Variants in MUC7 observed in about 807,000 individuals in gnomAD.
MUC7 encodes mucin-7.
MUC7 carries 2 observed loss-of-function variants against 2.5 expected under a neutral mutation model. That is an observed-to-expected ratio of 0.81 (90% CI 0.33 to 2.55). The LOEUF is 2.55. MUC7 is among the 30% of genes most tolerant of loss of function. The pLI, the probability that MUC7 is intolerant of heterozygous loss-of-function variation, is 0.11. For missense variants in MUC7, 408 were observed against 455.6 expected (o/e 0.90, Z 0.95); for synonymous variants, 133 against 173.4 (o/e 0.77, Z 1.83).
At chr4:70,468,938 C>T (rs956596146), upstream of MUC7, among the ~76,000 whole-genome samples, 25 of 152,132 alleles carry the variant, frequency 1.6e-4, no homozygotes, top group African/African-American at 6.0e-4. Context: ...AAAAAGAACC[C>T]GTATAGCCAA....
intron 2 of MUC7, among the ~76,000 whole-genome samples, chr4:70,479,660 G>T (rs1735111110): frequency 6.6e-6 from 1 of 152,172 alleles, no homozygotes; most frequent in South Asian, 2.1e-4. Flanking sequence ...AAGGCATGAA[G>T]TATGTTTACA....
chr4:70,438,422 G>A (rs1459941287), intron 1 of MUC7, among the ~76,000 whole-genome samples: 3 of 145,020 alleles, frequency 2.1e-5, no homozygotes, highest in Non-Finnish European at 3.0e-5. Context: ...AACACTTCAG[G>A]AAATGAAGTT....
chr4:70,464,933 A>AT (rs1384178332), intron 1 of MUC7, among the ~76,000 whole-genome samples: 3 of 152,028 alleles, frequency 2.0e-5, no homozygotes, highest in Admixed American at 6.5e-5. Flanking sequence ...TGGGTCCCTG[A>AT]CCCCTGTGCC....
At chr4:70,447,316 G>T (rs968911368) in intron 1 of MUC7, among the ~76,000 whole-genome samples, 1 of 152,084 alleles carries the variant, frequency 6.6e-6, no homozygotes, top group African/African-American at 2.4e-5. Context: ...GAAGCGCCTG[G>T]CCCAACACTT....
chr4:70,459,560 C>A (rs1734502621), intron 1 of MUC7, among the ~76,000 whole-genome samples: 1 of 152,014 alleles, frequency 6.6e-6, no homozygotes, highest in East Asian at 1.9e-4. Context: ...GGCACATGTA[C>A]CCTAAAACTT....
chr4:70,446,423 GC>G (rs1215286688), intron 1 of MUC7, among the ~76,000 whole-genome samples: 1 of 152,126 alleles, frequency 6.6e-6, no homozygotes, highest in Non-Finnish European at 1.5e-5. Context: ...TTCCTTCCTT[GC>G]TTTTTCCAGT....
chr4:70,474,134 C>A, intron 2 of MUC7, 59 bp downstream of exon 2: 2 of 1,412,692 alleles, frequency 1.4e-6, no homozygotes, highest in Non-Finnish European at 2.0e-6. Flanking sequence ...ATTTAGTGTA[C>A]CTACCTGAGA....
chr4:70,430,947 C>T (rs1371829342), intron 1 of MUC7, among the ~76,000 whole-genome samples: 2 of 152,062 alleles, frequency 1.3e-5, no homozygotes, highest in African/African-American at 4.8e-5. Context: ...TTTACCATGT[C>T]TTGATTTTCT....
chr4:70,464,365 C>A (rs1734628463), intron 1 of MUC7, among the ~76,000 whole-genome samples: 1 of 152,068 alleles, frequency 6.6e-6, no homozygotes, highest in Admixed American at 6.6e-5. Context: ...TTTTTTCATA[C>A]CCCAGTGGCA....
chr4:70,445,045 C>T (rs557174427), intron 1 of MUC7, among the ~76,000 whole-genome samples: 1 of 152,216 alleles, frequency 6.6e-6, no homozygotes, highest in Admixed American at 6.5e-5. Flanking sequence ...AACAAACAAA[C>T]AAAACAAAAC....
intron 1 of MUC7, 87 bp downstream of exon 1, chr4:70,472,378 T>C (rs1205103333): frequency 2.0e-5 from 3 of 152,244 alleles, no homozygotes; most frequent in Non-Finnish European, 4.4e-5. Context: ...ATAGTTGTTC[T>C]AATACAGTTA....
At chr4:70,434,495 G>C (rs1330454955) in intron 1 of MUC7, among the ~76,000 whole-genome samples, 1 of 152,168 alleles carries the variant, frequency 6.6e-6, no homozygotes, top group African/African-American at 2.4e-5. Context: ...AAATTTTCTA[G>C]TTTATTTGCA....
chr4:70,447,672 T>A (rs1178149457), intron 1 of MUC7, among the ~76,000 whole-genome samples: 2 of 152,184 alleles, frequency 1.3e-5, no homozygotes, highest in Non-Finnish European at 2.9e-5. Context: ...ATACATAAGG[T>A]GTATATATTT....
chr4:70,436,305 G>T (rs1733830511), intron 1 of MUC7, among the ~76,000 whole-genome samples: 1 of 152,064 alleles, frequency 6.6e-6, no homozygotes, highest in African/African-American at 2.4e-5. Context: ...TTTCTAATTT[G>T]GTTCCATTCT....
At chr4:70,445,239 C>G (rs563155058) in intron 1 of MUC7, among the ~76,000 whole-genome samples, 21 of 152,306 alleles carry the variant, frequency 1.4e-4, no homozygotes, top group African/African-American at 4.8e-4. Flanking sequence ...ACAACTTCAT[C>G]TATTGCCCTC....
intron 1 of MUC7, among the ~76,000 whole-genome samples, chr4:70,431,814 T>C (rs749684438): frequency 1.3e-5 from 2 of 152,110 alleles, no homozygotes; most frequent in African/African-American, 4.8e-5. Flanking sequence ...TTCTTACATA[T>C]GTATACATGT....
At chr4:70,464,793 C>G (rs2109730662) in intron 1 of MUC7, among the ~76,000 whole-genome samples, 1 of 152,300 alleles carries the variant, frequency 6.6e-6, no homozygotes, top group African/African-American at 2.4e-5. Flanking sequence ...GACAAAGCAC[C>G]TGGGGAAAGG....
chr4:70,478,951 T>C (rs1735089207), intron 2 of MUC7, among the ~76,000 whole-genome samples: 2 of 152,228 alleles, frequency 1.3e-5, no homozygotes, highest in African/African-American at 4.8e-5. Flanking sequence ...ATGTTAGCTA[T>C]TGGTTGTTCT....
At chr4:70,440,469 A>G (rs1577898906) in intron 1 of MUC7, among the ~76,000 whole-genome samples, 2 of 152,190 alleles carry the variant, frequency 1.3e-5, no homozygotes, top group Non-Finnish European at 2.9e-5. Context: ...GGACAAAGCA[A>G]CAGTACGTAA....
Sources: allele counts gnomAD v4.1 joint callset (sites outside exome capture counted in the v4.1 genomes callset), GRCh38; gene constraint gnomAD v4.1.1; transcripts MANE v1.5; gene names NCBI Gene and HGNC (gene_info 2026-07-23, HGNC 2026-07-21).